Variants in CAPN8 observed in about 807,000 individuals in gnomAD.
CAPN8 encodes calpain 8.
Under a neutral mutation model 80.9 loss-of-function variants are expected in CAPN8, and 87 were observed. The ratio of observed to expected loss-of-function variants is 1.07; its 90% CI spans 0.90 to 1.28. The LOEUF (loss-of-function observed/expected upper bound fraction) is 1.28, where lower values mean the gene tolerates loss of function less well. CAPN8 is among the 50% of genes most tolerant of loss of function. The probability of loss-of-function intolerance (pLI) is 0.00; values close to 1 mark genes in which losing one functional copy is unlikely to be tolerated. For synonymous variants in CAPN8, 299 were observed against 273.8 expected, an observed-to-expected ratio of 1.09 and a Z score of -0.91; for missense variants, 757 against 702.0, an observed-to-expected ratio of 1.08 and a Z score of -0.89.
At chr1:223,619,598 A>C in intron 8 of CAPN8, 145 bp from the exon 9 acceptor site, 1 of 771,268 alleles carries the variant, frequency 1.3e-6, no homozygotes, top group South Asian at 1.8e-5. Flanking sequence ...CACTGATACA[A>C]ACACGCAGAG....
chr1:223,640,265 A>G (rs1658010799), intron 2 of CAPN8, among the ~76,000 whole-genome samples: 2 of 152,358 alleles, frequency 1.3e-5, no homozygotes, highest in South Asian at 4.1e-4. Context: ...AGGGCCTGCC[A>G]CATAGAAAGC....
chr1:223,552,332 G>A (rs78315165), intron 14 of CAPN8, among the ~76,000 whole-genome samples: 3 of 152,154 alleles, frequency 2.0e-5, no homozygotes, highest in Non-Finnish European at 4.4e-5. Flanking sequence ...GGGAGGCCGA[G>A]GTGGGTGGAT....
chr1:223,637,744 A>G (rs1479789818), intron 2 of CAPN8, among the ~76,000 whole-genome samples: 2 of 152,146 alleles, frequency 1.3e-5, no homozygotes, highest in African/African-American at 4.8e-5. Context: ...AGAGAGACCT[A>G]AAGATCACCA....
chr1:223,654,423 A>G, intron 1 of CAPN8, 24 bp from the exon 2 acceptor site: 1 of 1,549,638 alleles, frequency 6.5e-7, no homozygotes, highest in East Asian at 2.4e-5. Context: ...GGAACAAAAC[A>G]CAAGTCACAA....
At chr1:223,647,367 T>C (rs1658217815) in intron 2 of CAPN8, among the ~76,000 whole-genome samples, 1 of 152,260 alleles carries the variant, frequency 6.6e-6, no homozygotes, top group Admixed American at 6.5e-5. Context: ...CTTTATCCTA[T>C]GTAAAATGCA....
At chr1:223,664,081 G>C (rs566409877) in intron 1 of CAPN8, among the ~76,000 whole-genome samples, 1 of 152,184 alleles carries the variant, frequency 6.6e-6, no homozygotes, top group South Asian at 2.1e-4. Flanking sequence ...TATGGGAGAG[G>C]TTCTCATCCC....
chr1:223,647,419 C>G (rs34089008), intron 2 of CAPN8, among the ~76,000 whole-genome samples: 27,013 of 152,156 alleles, frequency 0.18, 2,992 homozygotes, highest in East Asian at 0.29. Context: ...GATTTTTCCT[C>G]TACCCACTTC....
chr1:223,625,892 C>T lies in CAPN8; in HGVS notation c.730-4G>A, dbSNP rs748185584. 111 of 1,549,780 alleles carry T rather than the reference C, an allele frequency of 7.2e-5. No individual in the cohort carries two copies. The highest frequency in any genetic ancestry group is 3.6e-5 in the South Asian group (3 of 84,004). Reference sequence around the variant, plus strand: ...CGGCTTCGGCTGCACTGGAGACCTGCGTAGAGAAGAAAGTCCACTCAGTGG... The same window carrying T: ...CGGCTTCGGCTGCACTGGAGACCTGTGTAGAGAAGAAAGTCCACTCAGTGG... On this transcript the variant is annotated splice_polypyrimidine_tract_variant and splice_region_variant and intron_variant, in intron 5 of 20. Transcript: ENST00000366872.
intron 2 of CAPN8, chr1:223,644,484 T>A (rs1658133111): frequency 6.3e-6 from 1 of 159,290 alleles, no homozygotes; most frequent in Admixed American, 6.5e-5. Flanking sequence ...GCATTCATTC[T>A]GTGCCAAGTA....
Position 223,541,713 on chromosome 1 carries a change from G to T in CAPN8, c.*123C>A. The T allele has an allele frequency of 1.4e-6, 2 of 1,478,784 alleles. No homozygotes were observed. Among genetic ancestry groups the T allele is most frequent in the Non-Finnish European group, 1.8e-6 (2 of 1,082,602 alleles). 91.6% of individuals were successfully genotyped at this position (1,478,784 alleles called of 1,614,324 possible). ...TCAGTGCTGCTGAAATAGACCCAGG[G>T]CAAGAAAGGTATGAACAACCAGTGA... On this transcript the variant is annotated 3_prime_UTR_variant, in exon 21 of 21. Coordinates refer to ENST00000366872, the MANE Select transcript of CAPN8 (RefSeq NM_001143962.2).
intron 11 of CAPN8, among the ~76,000 whole-genome samples, chr1:223,610,347 C>A (rs977528214): frequency 6.6e-6 from 1 of 152,172 alleles, no homozygotes; most frequent in Admixed American, 6.5e-5. Context: ...CCACATAGAG[C>A]CCTCAGGCAG....
At chr1:223,611,019 G>C (rs1402710611) in intron 11 of CAPN8, among the ~76,000 whole-genome samples, 1 of 82,366 alleles carries the variant, frequency 1.2e-5, no homozygotes, top group East Asian at 2.7e-4. Flanking sequence ...CTGTTGTCCT[G>C]AAGGCCCCCC....
At chr1:223,619,565 C>T in intron 8 of CAPN8, 112 bp from the exon 9 acceptor site, 1 of 1,062,380 alleles carries the variant, frequency 9.4e-7, no homozygotes, top group Non-Finnish European at 1.4e-6. Flanking sequence ...AGGCCGTGGG[C>T]TAGCTTGATC....
chr1:223,558,231 T>C, intron 12 of CAPN8, 64 bp from the exon 13 acceptor site: 1 of 398,370 alleles, frequency 2.5e-6, no homozygotes, highest in Non-Finnish European at 4.4e-6. Context: ...AATGGCTGGG[T>C]TGTTTTAGGA....
rs1298293702 is a variant in CAPN8, at chr1:223,665,578, G to A, written c.69C>T (p.Asn23=). Residue 23 remains asparagine, a synonymous_variant, in exon 1 of 21, where the codon AAC becomes AAT. Coordinates refer to ENST00000366872, the MANE Select transcript of CAPN8 (RefSeq NM_001143962.2). ...AATQGLGSNQ[N]ALKYLGQDFK... ...AATCCTGGCCCAAGTACTTCAAAGC[G>A]TTTTGGTTGGAGCCAAGACCTTGAG... 64 of 1,551,674 alleles carry A rather than the reference G, an allele frequency of 4.1e-5. 1 individual carries two copies. Among genetic ancestry groups the A allele is most frequent in the Middle Eastern group, 3.3e-4 (2 of 5,990 alleles).
intron 2 of CAPN8, among the ~76,000 whole-genome samples, chr1:223,640,042 A>G (rs1658006399): frequency 1.3e-5 from 2 of 152,108 alleles, no homozygotes; most frequent in African/African-American, 4.8e-5. Flanking sequence ...CCTCCTGTCA[A>G]CCTACACATA....
intron 1 of CAPN8, among the ~76,000 whole-genome samples, chr1:223,660,333 C>T (rs994435424): frequency 2.6e-5 from 4 of 152,144 alleles, no homozygotes; most frequent in Non-Finnish European, 4.4e-5. Flanking sequence ...TGGGCATTAA[C>T]CAAGCACAGA....
At chr1:223,639,689 A>G (rs185408969) in intron 2 of CAPN8, among the ~76,000 whole-genome samples, 415 of 152,372 alleles carry the variant, frequency 2.7e-3, no homozygotes, top group African/African-American at 9.7e-3. Flanking sequence ...GGCTGCCCAA[A>G]TCATGAATCC....
intron 19 of CAPN8, 109 bp downstream of exon 19, chr1:223,543,958 G>C (rs539266032): frequency 3.8e-5 from 24 of 629,418 alleles, no homozygotes; most frequent in Non-Finnish European, 6.9e-5. Context: ...TCATTTTCTG[G>C]GTCCCTGGCC....
Sources: gnomAD v4.1 joint callset for allele counts (sites outside exome capture counted in the v4.1 genomes callset) on GRCh38, gnomAD v4.1.1 for gene constraint, MANE v1.5 for transcripts, NCBI Gene and HGNC (gene_info 2026-07-23, HGNC 2026-07-21) for gene names.